DNM3: variants seen among roughly 807,000 people sequenced by gnomAD.
DNM3 encodes dynamin 3, also known as dynamin-3.
DNM3 carries 47 observed loss-of-function variants against 101.6 expected under a neutral mutation model. The observed-to-expected ratio is 0.46, with a 90% CI of 0.37 to 0.59. DNM3 has a LOEUF of 0.59. Among genes scored for constraint, DNM3 ranks in the 20% least tolerant of loss-of-function variants. DNM3 has a pLI of 0.00. For missense variants in DNM3, 849 were observed against 1,085.7 expected, an observed-to-expected ratio of 0.78 and a Z score of 3.06; for synonymous variants, 385 against 387.9, an observed-to-expected ratio of 0.99 and a Z score of 0.09.
At chr1:172,033,344 A>T in intron 6 of DNM3, 79 bp downstream of exon 6, 1 of 1,426,628 alleles carries the variant, frequency 7.0e-7, no homozygotes. Context: ...ATTATTTTTA[A>T]GTTTATTTTT....
chr1:172,391,740 T>G (rs900458978), intron 20 of DNM3, among the ~76,000 whole-genome samples: 10 of 152,176 alleles, frequency 6.6e-5, no homozygotes, highest in African/African-American at 2.4e-4. Context: ...TTTTACTTTC[T>G]TAAGGGTCCT....
At chr1:172,248,142 G>T (rs1189963753) in intron 14 of DNM3, among the ~76,000 whole-genome samples, 1 of 152,064 alleles carries the variant, frequency 6.6e-6, no homozygotes, top group Non-Finnish European at 1.5e-5. Flanking sequence ...TTAAAGGTTT[G>T]TATGAATCAA....
intron 13 of DNM3, among the ~76,000 whole-genome samples, chr1:172,098,971 G>T (rs1313331088): frequency 6.6e-6 from 1 of 152,226 alleles, no homozygotes; most frequent in African/African-American, 2.4e-5. Context: ...GTGATAGCAC[G>T]AATTCTCTTG....
chr1:172,316,713 A>G (rs1313109209), intron 16 of DNM3, among the ~76,000 whole-genome samples: 1 of 152,158 alleles, frequency 6.6e-6, no homozygotes, highest in Non-Finnish European at 1.5e-5. Flanking sequence ...TATGCACCCA[A>G]TACAGGAGCA....
chr1:171,904,544 A>G (rs573839711), intron 1 of DNM3, among the ~76,000 whole-genome samples: 54 of 152,296 alleles, frequency 3.5e-4, no homozygotes, highest in African/African-American at 1.3e-3. Context: ...GAGAACAACC[A>G]AACCCTAATG....
chr1:171,896,252 T>C (rs1364131309), intron 1 of DNM3, among the ~76,000 whole-genome samples: 2 of 152,216 alleles, frequency 1.3e-5, no homozygotes, highest in Admixed American at 6.5e-5. Context: ...TTCACAATAT[T>C]GATTCTTCCT....
chr1:171,851,190 C>A (rs778404122), intron 1 of DNM3, among the ~76,000 whole-genome samples: 11 of 152,170 alleles, frequency 7.2e-5, no homozygotes, highest in Non-Finnish European at 1.5e-4. Context: ...CAGGAATCTA[C>A]CGAACAGTTG....
intron 15 of DNM3, among the ~76,000 whole-genome samples, chr1:172,285,067 G>A (rs1392932456): frequency 6.6e-6 from 1 of 152,054 alleles, no homozygotes. Context: ...AGGGATGAAG[G>A]GCATGCCATA....
intron 14 of DNM3, among the ~76,000 whole-genome samples, chr1:172,153,657 G>A (rs2058228378): frequency 6.6e-6 from 1 of 151,902 alleles, no homozygotes; most frequent in African/African-American, 2.4e-5. Context: ...AGAACATGAA[G>A]TTGGAATTGA....
chr1:172,129,038 ATATT>A lies in DNM3; in HGVS notation c.1546-2128_1546-2125del, dbSNP rs148533116. Among the ~76,000 whole-genome samples, 647 of 152,322 alleles carry A rather than the reference ATATT, an allele frequency of 4.2e-3. 3 individuals carry two copies. Among genetic ancestry groups the A allele is most frequent in the African/African-American group, 0.015 (627 of 41,566 alleles). ...ATAAGAAAGCTCAGATTCATATTTAATATTTATTTATTATACATACTGATGCCAG... is the reference window on the plus strand; with the variant it reads ...ATAAGAAAGCTCAGATTCATATTTAATATTTATTATACATACTGATGCCAG... On this transcript the variant is annotated intron_variant, in intron 13 of 20. Transcript: ENST00000627582.
intron 1 of DNM3, among the ~76,000 whole-genome samples, chr1:171,877,368 T>G (rs2035877745): frequency 6.6e-6 from 1 of 152,334 alleles, no homozygotes; most frequent in South Asian, 2.1e-4. Context: ...CTCCTTAACC[T>G]CTCATTTAAA....
At position 172,338,102 on chromosome 1, in the gene DNM3, A is replaced by G. The variant is rs1036936338; in HGVS notation, c.1893+14762A>G. On this transcript the variant is annotated intron_variant, in intron 17 of 20. Transcript: ENST00000627582. ...CGGCTGATTTTTGTATTTTTAGTAG[A>G]GACGGGGTTTCATCATGTTGGCCAG... Among the ~76,000 whole-genome samples, 7 of 151,596 alleles carry G rather than the reference A, an allele frequency of 4.6e-5. No individual in the cohort carries two copies. In the East Asian group the frequency reaches 1.4e-3, roughly 29 times the overall value.
Position 172,343,928 on chromosome 1 carries a change from T to C in DNM3, c.1893+20588T>C, listed in dbSNP as rs116667248. 9.3e-3 allele frequency among the ~76,000 whole-genome samples: 1,415 copies of C among 152,326 alleles called. 31 individuals carry two copies. Among genetic ancestry groups the C allele is most frequent in the African/African-American group, 0.032 (1,336 of 41,558 alleles). ...TTCCCTGAAGAAAGCTTAAGAATTC[T>C]TTCCCCATGAGTCACTGACCAAGTA... On this transcript the variant is annotated intron_variant, in intron 17 of 20. Transcript: ENST00000627582.
At chr1:172,053,513 T>TA (rs777353754) in intron 10 of DNM3, among the ~76,000 whole-genome samples, 18 of 152,174 alleles carry the variant, frequency 1.2e-4, no homozygotes, top group Non-Finnish European at 1.8e-4. Context: ...TTTGTTTACA[T>TA]ATCTCCTCTT....
chr1:172,337,291 A>G (rs2066475294), intron 17 of DNM3, among the ~76,000 whole-genome samples: 2 of 152,126 alleles, frequency 1.3e-5, no homozygotes, highest in South Asian at 4.1e-4. Flanking sequence ...TAAACACTGT[A>G]TTTTCATATA....
chr1:172,224,624 A>AT (rs2061035823), intron 14 of DNM3, among the ~76,000 whole-genome samples: 1 of 152,124 alleles, frequency 6.6e-6, no homozygotes, highest in Admixed American at 6.6e-5. Flanking sequence ...GGCAAACTGC[A>AT]TTTTCACTGC....
intron 1 of DNM3, among the ~76,000 whole-genome samples, chr1:171,883,257 TC>T (rs2036444522): frequency 6.6e-6 from 1 of 151,762 alleles, no homozygotes; most frequent in South Asian, 2.1e-4. Flanking sequence ...ACCTGTATAA[TC>T]CCTGATAGTC....
chr1:171,911,548 G>T (rs1161400800), intron 1 of DNM3, among the ~76,000 whole-genome samples: 4 of 152,182 alleles, frequency 2.6e-5, no homozygotes, highest in African/African-American at 9.7e-5. Flanking sequence ...CTCCCGAAGT[G>T]CTGGGATTAC....
intron 15 of DNM3, among the ~76,000 whole-genome samples, chr1:172,263,161 G>T (rs2062731627): frequency 1.3e-5 from 2 of 152,126 alleles, no homozygotes; most frequent in African/African-American, 4.8e-5. Context: ...TTCTTCTAGG[G>T]GTGAGGACTG....
Sources: allele counts gnomAD v4.1 joint callset (sites outside exome capture counted in the v4.1 genomes callset), GRCh38; gene constraint gnomAD v4.1.1; transcripts MANE v1.5; gene names NCBI Gene and HGNC (gene_info 2026-07-23, HGNC 2026-07-21).